The following VWC2L variants were observed in gnomAD, a reference collection of about 807,000 sequenced individuals.
The protein encoded by VWC2L is von Willebrand factor C domain-containing protein 2-like.
VWC2L carries 10 observed loss-of-function variants against 21.6 expected under a neutral mutation model. That is an observed-to-expected ratio of 0.46 (90% CI 0.29 to 0.78). The LOEUF (loss-of-function observed/expected upper bound fraction) is 0.78, where lower values mean the gene tolerates loss of function less well. VWC2L is among the 30% of genes least tolerant of loss of function. The pLI, the probability that VWC2L is intolerant of heterozygous loss-of-function variation, is 0.10. For synonymous variants in VWC2L, 96 were observed against 94.3 expected (o/e 1.02, Z -0.10); for missense variants, 209 against 277.1 (o/e 0.75, Z 1.74).
At chr2:214,428,721 T>C (rs1702559055) in intron 2 of VWC2L, among the ~76,000 whole-genome samples, 1 of 151,584 alleles carries the variant, frequency 6.6e-6, no homozygotes, top group Non-Finnish European at 1.5e-5. Flanking sequence ...TTTTAATTAC[T>C]CTTTCTTCAT....
intron 3 of VWC2L, among the ~76,000 whole-genome samples, chr2:214,451,009 T>A (rs1258813665): frequency 6.6e-6 from 1 of 151,936 alleles, no homozygotes; most frequent in Non-Finnish European, 1.5e-5. Context: ...GATTGCTGAG[T>A]TTTGAACCAC....
chr2:214,487,970 T>C (rs977992771), intron 3 of VWC2L, among the ~76,000 whole-genome samples: 3 of 152,208 alleles, frequency 2.0e-5, no homozygotes, highest in Admixed American at 6.5e-5. Flanking sequence ...CTGGGTTCAT[T>C]GATACTGTTG....
chr2:214,449,964 T>C (rs13395401), intron 3 of VWC2L, among the ~76,000 whole-genome samples: 24,245 of 152,070 alleles, frequency 0.16, 2,022 homozygotes, highest in East Asian at 0.25. Flanking sequence ...TACTTTCCCA[T>C]GTTGTTAAAT....
rs186177598 is a variant in VWC2L at position 214,514,102 on chromosome 2, C to G, written c.521-61570C>G. 6.6e-5 allele frequency among the ~76,000 whole-genome samples: 10 copies of G among 152,020 alleles called. No individual in the cohort carries two copies. In the East Asian group the frequency reaches 1.5e-3, roughly 24 times the overall value. On this transcript the variant is annotated intron_variant, in intron 3 of 3. Transcript: ENST00000312504. ...TGCAAACGACTTCATCTTTACAGCACTAAATGTAATGCCATGTTAATTTGG... is the reference window on the plus strand; with the variant it reads ...TGCAAACGACTTCATCTTTACAGCAGTAAATGTAATGCCATGTTAATTTGG...
At chr2:214,447,205 G>T (rs1702851085) in intron 3 of VWC2L, among the ~76,000 whole-genome samples, 2 of 152,072 alleles carry the variant, frequency 1.3e-5, no homozygotes, top group African/African-American at 2.4e-5. Flanking sequence ...ACCTAGAAAT[G>T]ATATCTCTCC....
rs921515250 is a variant in VWC2L, at chr2:214,577,781, T to G, written c.*1961T>G. 10 of 152,178 alleles carry G rather than the reference T, an allele frequency of 6.6e-5. No individual in the cohort carries two copies. The highest frequency in any genetic ancestry group is 3.3e-4 in the Admixed American group (5 of 15,274). The allele number at this position is 152,178 out of a possible 1,614,324, so 9.4% of individuals were successfully genotyped here. On this transcript the variant is annotated 3_prime_UTR_variant, in exon 4 of 4. Coordinates refer to ENST00000312504, the MANE Select transcript of VWC2L (RefSeq NM_001080500.4). ...GCATCTGCTGTCATCAAGAAAGAGT[T>G]GTCATTTCCAAAATTAACGTGCTGA...
chr2:214,458,406 G>A (rs966409271), intron 3 of VWC2L, among the ~76,000 whole-genome samples: 1 of 151,784 alleles, frequency 6.6e-6, no homozygotes, highest in African/African-American at 2.4e-5. Context: ...ATTCTATGTT[G>A]ATGTTTTTTA....
rs953760631 is a variant in VWC2L at position 214,546,905 on chromosome 2, C to A, written c.521-28767C>A. Reference sequence around the variant, plus strand: ...CCTAATTTTAATACTAAGGACAAAACCTACTTTCAGCAGTACTGTTGAAAT... The same window carrying A: ...CCTAATTTTAATACTAAGGACAAAAACTACTTTCAGCAGTACTGTTGAAAT... On this transcript the variant is annotated intron_variant, in intron 3 of 3. Transcript: ENST00000312504. Among the ~76,000 whole-genome samples the A allele has an allele frequency of 2.6e-5, 4 of 152,148 alleles. No homozygotes were observed. The South Asian group carries it at 6.2e-4, about 24-fold the overall frequency.
intron 3 of VWC2L, among the ~76,000 whole-genome samples, chr2:214,561,142 TGGGCCC>T (rs1689963051): frequency 1.3e-5 from 2 of 152,250 alleles, no homozygotes; most frequent in East Asian, 3.8e-4. Context: ...GACAGATTGC[TGGGCCC>T]CATACCCAGT....
At chr2:214,461,280 C>T (rs560402153) in intron 3 of VWC2L, among the ~76,000 whole-genome samples, 1 of 152,162 alleles carries the variant, frequency 6.6e-6, no homozygotes, top group Non-Finnish European at 1.5e-5. Context: ...CAGCAATGGC[C>T]TGGACAGTTG....
chr2:214,497,205 T>G, intron 3 of VWC2L, among the ~76,000 whole-genome samples: 1 of 7,214 alleles, frequency 1.4e-4, no homozygotes. Flanking sequence ...GATAGTGTAT[T>G]GGAAAGGAAA....
At chr2:214,456,695 A>G (rs1318481835) in intron 3 of VWC2L, among the ~76,000 whole-genome samples, 1 of 152,002 alleles carries the variant, frequency 6.6e-6, no homozygotes, top group Non-Finnish European at 1.5e-5. Context: ...TTCTTCTACT[A>G]GTTTTATAGT....
At chr2:214,554,615 A>T (rs1277971109) in intron 3 of VWC2L, among the ~76,000 whole-genome samples, 3 of 152,180 alleles carry the variant, frequency 2.0e-5, no homozygotes, top group African/African-American at 2.4e-5. Context: ...GTGAGCCAAG[A>T]TCACGCCATT....
chr2:214,461,553 G>A (rs1559297688), intron 3 of VWC2L, among the ~76,000 whole-genome samples: 1 of 152,136 alleles, frequency 6.6e-6, no homozygotes. Context: ...AGTGGCAGGT[G>A]TTCCAGAACA....
intron 3 of VWC2L, among the ~76,000 whole-genome samples, chr2:214,455,170 A>T (rs1703037006): frequency 6.6e-6 from 1 of 152,174 alleles, no homozygotes; most frequent in Non-Finnish European, 1.5e-5. Flanking sequence ...TATATGTTAA[A>T]TGTTTGATAG....
At chr2:214,516,363 G>T (rs575966956) in intron 3 of VWC2L, among the ~76,000 whole-genome samples, 1 of 152,090 alleles carries the variant, frequency 6.6e-6, no homozygotes, top group South Asian at 2.1e-4. Context: ...TTTCCAGCAT[G>T]GCTTGCCAGG....
At chr2:214,532,829 T>C (rs1689460722) in intron 3 of VWC2L, among the ~76,000 whole-genome samples, 1 of 152,046 alleles carries the variant, frequency 6.6e-6, no homozygotes, top group Non-Finnish European at 1.5e-5. Context: ...CCCAGCTGAG[T>C]CTTTGCTGCC....
intron 3 of VWC2L, among the ~76,000 whole-genome samples, chr2:214,516,369 C>T (rs906787028): frequency 2.0e-5 from 3 of 152,080 alleles, no homozygotes; most frequent in African/African-American, 7.2e-5. Context: ...GCATGGCTTG[C>T]CAGGAGCTGC....
At chr2:214,533,618 C>A (rs1689477538) in intron 3 of VWC2L, among the ~76,000 whole-genome samples, 1 of 151,698 alleles carries the variant, frequency 6.6e-6, no homozygotes, top group Admixed American at 6.6e-5. Context: ...ATCCAACGCT[C>A]AAAGACACAG....
Sources: allele counts gnomAD v4.1 joint callset (sites outside exome capture counted in the v4.1 genomes callset), GRCh38; gene constraint gnomAD v4.1.1; transcripts MANE v1.5; gene names NCBI Gene and HGNC (gene_info 2026-07-23, HGNC 2026-07-21).